The following TMEM260 variants were observed in gnomAD, a reference collection of about 807,000 sequenced individuals.
The protein encoded by TMEM260 is protein O-mannosyl-transferase TMEM260.
A neutral mutation model predicts 88.9 loss-of-function variants in TMEM260; 82 were observed. That is an observed-to-expected ratio of 0.92 (90% CI 0.77 to 1.11). The LOEUF is 1.11. Ranked by LOEUF, TMEM260 falls within the 50% of genes least tolerant of loss-of-function variation. TMEM260 has a pLI of 0.00. For missense variants in TMEM260, 902 were observed against 853.4 expected, an observed-to-expected ratio of 1.06 and a Z score of -0.71; for synonymous variants, 314 against 309.3, an observed-to-expected ratio of 1.02 and a Z score of -0.16.
chr14:56,627,062 G>A (rs1043171375), intron 12 of TMEM260, among the ~76,000 whole-genome samples: 4 of 151,712 alleles, frequency 2.6e-5, no homozygotes, highest in Non-Finnish European at 1.5e-5. Context: ...CTCATAAGAC[G>A]CATAATAATT....
intron 3 of TMEM260, among the ~76,000 whole-genome samples, chr14:56,600,892 T>TA: frequency 6.6e-6 from 1 of 152,326 alleles, no homozygotes; most frequent in African/African-American, 2.4e-5. Context: ...TCAGTTACCT[T>TA]GTCTTCTACT....
At position 56,632,619 on chromosome 14, in the gene TMEM260, C is replaced by CT. The variant is rs145498706; in HGVS notation, c.1548-370dup. On this transcript the variant is annotated intron_variant, in intron 12 of 15. Coordinates refer to ENST00000261556, the MANE Select transcript of TMEM260 (RefSeq NM_017799.4). ...GACATACTTCTGAGTTTTAAGCTTC[C>CT]TTTTTTCCCCCATGAGATGGGGGTC... Among the ~76,000 whole-genome samples the CT allele has an allele frequency of 2.6e-3, 396 of 152,074 alleles. 8 individuals are homozygous for CT. The East Asian group carries it at 0.05, about 19-fold the overall frequency.
chr14:56,585,596 G>T (rs1885441640), intron 2 of TMEM260, 165 bp from the exon 3 acceptor site: 12 of 624,202 alleles, frequency 1.9e-5, no homozygotes, highest in Non-Finnish European at 3.0e-5. Context: ...ATATTTATTT[G>T]TATTGCCTCA....
At chr14:56,646,054 C>G (rs1433140174) in intron 15 of TMEM260, among the ~76,000 whole-genome samples, 1 of 152,164 alleles carries the variant, frequency 6.6e-6, no homozygotes, top group Non-Finnish European at 1.5e-5. Context: ...CTCGGCCTCC[C>G]AAAGTGCTGG....
chr14:56,618,774 G>T lies in TMEM260; in HGVS notation c.1226+11G>T. ...ATATTCTAATTACAGGTAATACATG[G>T]TTATTTTTATGAAAAGTAGCTGTCA... On this transcript the variant is annotated intron_variant, in intron 10 of 15. Transcript: ENST00000261556. The T allele has an allele frequency of 2.5e-6, 4 of 1,610,326 alleles. No homozygotes were observed. The highest frequency in any genetic ancestry group is 3.4e-6 in the Non-Finnish European group (4 of 1,177,598).
chr14:56,597,348 T>C (rs1295015732), intron 3 of TMEM260, among the ~76,000 whole-genome samples: 1 of 152,072 alleles, frequency 6.6e-6, no homozygotes, highest in South Asian at 2.1e-4. Flanking sequence ...TCTGAAAAAA[T>C]CCAAAATTTG....
intron 15 of TMEM260, among the ~76,000 whole-genome samples, chr14:56,637,662 T>C (rs1566573957): frequency 6.6e-6 from 1 of 152,218 alleles, no homozygotes; most frequent in Non-Finnish European, 1.5e-5. Flanking sequence ...TTTAGACTGC[T>C]GTGGTTCTAC....
chr14:56,607,259 C>T (rs1354467794), intron 5 of TMEM260, among the ~76,000 whole-genome samples: 1 of 152,144 alleles, frequency 6.6e-6, no homozygotes, highest in Non-Finnish European at 1.5e-5. Flanking sequence ...CCTGAACAGA[C>T]ATCAGAGGGG....
intron 7 of TMEM260, 113 bp from the exon 8 acceptor site, chr14:56,615,831 C>T (rs937992135): frequency 1.3e-5 from 9 of 690,900 alleles, no homozygotes; most frequent in South Asian, 4.9e-5. Context: ...AAAATCTGAC[C>T]CCAGCCCTTG....
intron 11 of TMEM260, 46 bp downstream of exon 11, chr14:56,621,748 A>C (rs759743552): frequency 3.3e-6 from 5 of 1,527,048 alleles, no homozygotes; most frequent in Non-Finnish European, 4.4e-6. Flanking sequence ...TGATTTAAAA[A>C]CATATGTTTT....
At chr14:56,651,564 A>G (rs1446369453), downstream of TMEM260, among the ~76,000 whole-genome samples, 1 of 152,204 alleles carries the variant, frequency 6.6e-6, no homozygotes, top group Non-Finnish European at 1.5e-5. Flanking sequence ...GTTAATTTTC[A>G]ATACAAACAT....
intron 7 of TMEM260, chr14:56,613,519 T>G (rs1702303893): frequency 6.6e-6 from 1 of 152,178 alleles, no homozygotes; most frequent in Non-Finnish European, 1.5e-5. Context: ...GACTATATTT[T>G]TCTAATATTT....
At position 56,601,436 on chromosome 14, in the gene TMEM260, T is replaced by C. The variant is rs138173497; in HGVS notation, c.345-2379T>C. On this transcript the variant is annotated intron_variant, in intron 3 of 15. Coordinates refer to ENST00000261556, the MANE Select transcript of TMEM260 (RefSeq NM_017799.4). Reference sequence around the variant, plus strand: ...CATATGATGTTTGTCCTATTACTAATGCTGTTAATTTTGGTCCTGTGGTTA... The same window carrying C: ...CATATGATGTTTGTCCTATTACTAACGCTGTTAATTTTGGTCCTGTGGTTA... Among the ~76,000 whole-genome samples, 95 of 152,274 alleles carry C rather than the reference T, an allele frequency of 6.2e-4. No homozygotes were observed. In the East Asian group the frequency reaches 0.011, roughly 17 times the overall value.
At chr14:56,618,842 A>T in intron 10 of TMEM260, 79 bp downstream of exon 10, 1 of 1,375,290 alleles carries the variant, frequency 7.3e-7, no homozygotes, top group Non-Finnish European at 1.0e-6. Context: ...ACTTTATTTC[A>T]TTGTTAACTT....
the TMEM260 span, among the ~76,000 whole-genome samples, chr14:56,657,946 A>G: frequency 6.6e-6 from 1 of 152,198 alleles, no homozygotes; most frequent in African/African-American, 2.4e-5. Flanking sequence ...GGATTAAAAA[A>G]ACATTCATGC....
intron 12 of TMEM260, among the ~76,000 whole-genome samples, chr14:56,632,414 A>G (rs942083834): frequency 3.3e-5 from 5 of 152,250 alleles, no homozygotes; most frequent in Admixed American, 3.3e-4. Flanking sequence ...ACCCACCACT[A>G]CTATCACTAT....
chr14:56,594,577 G>A lies in TMEM260; in HGVS notation c.344+8665G>A, dbSNP rs182964479. On this transcript the variant is annotated intron_variant, in intron 3 of 15. Coordinates refer to ENST00000261556, the MANE Select transcript of TMEM260 (RefSeq NM_017799.4). ...TCATTTTTATTTGAAAAAATCATCA[G>A]ACTTACTCTACGGGTAGATGACAAT... 2.0e-5 allele frequency among the ~76,000 whole-genome samples: 3 copies of A among 152,238 alleles called. No homozygotes were observed. The East Asian group carries it at 5.8e-4, about 29-fold the overall frequency.
At chr14:56,612,896 A>G (rs1433146074) in intron 7 of TMEM260, 1 of 152,120 alleles carries the variant, frequency 6.6e-6, no homozygotes, top group Non-Finnish European at 1.5e-5. Context: ...TCAACCTTCA[A>G]TTGAACAACT....
intron 13 of TMEM260, 105 bp from the exon 14 acceptor site, chr14:56,634,794 A>G (rs576612949): frequency 2.1e-6 from 2 of 972,106 alleles, no homozygotes; most frequent in African/African-American, 3.2e-5. Flanking sequence ...GTGAGCCAAG[A>G]TCGCACCATT....
Sources: gnomAD v4.1 joint callset for allele counts (sites outside exome capture counted in the v4.1 genomes callset) on GRCh38, gnomAD v4.1.1 for gene constraint, MANE v1.5 for transcripts, NCBI Gene and HGNC (gene_info 2026-07-23, HGNC 2026-07-21) for gene names.